DNAH14: variants seen among roughly 807,000 people sequenced by gnomAD.
DNAH14 encodes axonemal beta dynein heavy chain 14.
A neutral mutation model predicts 520.9 loss-of-function variants in DNAH14; 478 were observed. That is an observed-to-expected ratio of 0.92 (90% CI 0.85 to 0.99). DNAH14 has a LOEUF of 0.99. Among genes scored for constraint, DNAH14 ranks in the 50% least tolerant of loss-of-function variants. The pLI is 0.00. For synonymous variants in DNAH14, 1,581 were observed against 1,757.2 expected, an observed-to-expected ratio of 0.90 and a Z score of 2.51; for missense variants, 4,831 against 5,234.5, an observed-to-expected ratio of 0.92 and a Z score of 2.38.
At chr1:224,955,169 C>A in intron 3 of DNAH14, 71 bp downstream of exon 3, 1 of 1,488,024 alleles carries the variant, frequency 6.7e-7, no homozygotes, top group Non-Finnish European at 9.2e-7. Context: ...AGAAATTTTT[C>A]ATAGCATTAA....
At position 225,123,529 on chromosome 1, in the gene DNAH14, T is replaced by C. The variant is rs750911008; in HGVS notation, c.4169T>C (p.Phe1390Ser). The C allele has an allele frequency of 1.7e-5, 7 of 415,266 alleles. 1 individual carries two copies. The highest frequency in any genetic ancestry group is 1.4e-4 in the South Asian group (7 of 50,744). 25.7% of individuals were successfully genotyped at this position (415,266 alleles called of 1,614,324 possible). A position where few individuals can be genotyped will look rare whatever the true frequency, so the allele number is the denominator to read the frequency against. Residue 1390 changes from phenylalanine to serine, a missense_variant and splice_region_variant, in exon 27 of 86, where the codon TTT (phenylalanine) becomes TCT (serine). Phe to Ser is a radical substitution (Grantham distance 155). Transcript: ENST00000682510. ...EKSMFDVLKK[F>S]LSQGIEDWNC... Reference sequence around the variant, plus strand: ...TAAATAAATTTTTTAATTTGTAGATTTTTAAGTCAAGGGATTGAAGACTGG... The same window carrying C: ...TAAATAAATTTTTTAATTTGTAGATCTTTAAGTCAAGGGATTGAAGACTGG...
intron 54 of DNAH14, among the ~76,000 whole-genome samples, chr1:225,285,526 T>C (rs182459774): frequency 6.7e-4 from 97 of 144,236 alleles, no homozygotes; most frequent in African/African-American, 2.4e-3. Flanking sequence ...GCCTGGGTGA[T>C]AGAGCGAGAC....
chr1:225,259,372 A>C, intron 46 of DNAH14, 119 bp downstream of exon 46: 1 of 716,146 alleles, frequency 1.4e-6, no homozygotes, highest in Non-Finnish European at 2.1e-6. Flanking sequence ...GAATCATTCA[A>C]AAGAGGAGAT....
intron 41 of DNAH14, among the ~76,000 whole-genome samples, chr1:225,225,015 C>T (rs903699428): frequency 7.9e-5 from 12 of 152,184 alleles, no homozygotes; most frequent in African/African-American, 2.9e-4. Flanking sequence ...CTGCTTGGCC[C>T]ATTGGCTTAT....
rs1293103918 is a variant in DNAH14 at position 225,185,354 on chromosome 1, T to C, written c.5599T>C (p.Leu1867=). The C allele has an allele frequency of 6.5e-7, 1 of 1,548,172 alleles. No homozygotes were observed. The highest frequency in any genetic ancestry group is 2.0e-5 in the Admixed American group (1 of 50,392). ...GGGKTTVRRI[L]EKALTLLPIA... ...AGGAAAGACAACAGTCAGAAGAATT[T>C]TGGAAAAAGCATTAACGCTATTACC... Residue 1867 remains leucine, a synonymous_variant, in exon 37 of 86, where the codon TTG becomes CTG. Transcript: ENST00000682510.
At chr1:224,955,766 T>C (rs891144254) in intron 3 of DNAH14, among the ~76,000 whole-genome samples, 30 of 152,158 alleles carry the variant, frequency 2.0e-4, no homozygotes, top group African/African-American at 3.4e-4. Context: ...TATTCTCTTA[T>C]GTCTTTTTTT....
intron 23 of DNAH14, among the ~76,000 whole-genome samples, chr1:225,104,858 T>A (rs1323698233): frequency 4.6e-5 from 7 of 152,204 alleles, no homozygotes; most frequent in Non-Finnish European, 1.0e-4. Flanking sequence ...ATTGATTTTT[T>A]GAAGGGTTTT....
intron 27 of DNAH14, 114 bp from the exon 28 acceptor site, chr1:225,140,654 C>T (rs2079361206): frequency 1.1e-6 from 1 of 871,148 alleles, no homozygotes; most frequent in Non-Finnish European, 1.7e-6. Context: ...CAAACACTTA[C>T]ATACACACCA....
intron 11 of DNAH14, among the ~76,000 whole-genome samples, chr1:225,024,987 T>C (rs2456338): frequency 0.9 from 137,464 of 152,006 alleles, 63,710 homozygotes; most frequent in East Asian, 1. Context: ...AGTATACTAA[T>C]TTATAGCTCG....
intron 23 of DNAH14, among the ~76,000 whole-genome samples, chr1:225,111,889 G>A (rs1179395808): frequency 6.6e-6 from 1 of 152,008 alleles, no homozygotes; most frequent in Non-Finnish European, 1.5e-5. Flanking sequence ...AACACTGATT[G>A]CATAAACAAA....
At chr1:225,155,546 C>A (rs1459858474) in intron 34 of DNAH14, among the ~76,000 whole-genome samples, 1 of 152,108 alleles carries the variant, frequency 6.6e-6, no homozygotes, top group Non-Finnish European at 1.5e-5. Context: ...AAGTATAGCT[C>A]CCTGATATCC....
chr1:225,121,956 C>T (rs1474887113), intron 26 of DNAH14, among the ~76,000 whole-genome samples: 1 of 151,824 alleles, frequency 6.6e-6, no homozygotes, highest in Admixed American at 6.6e-5. Flanking sequence ...GTTGGCAGTA[C>T]TTTATCTTAC....
chr1:225,111,332 G>A (rs1246147250), intron 23 of DNAH14, among the ~76,000 whole-genome samples: 1 of 151,900 alleles, frequency 6.6e-6, no homozygotes, highest in African/African-American at 2.4e-5. Context: ...GCACCTTGCT[G>A]AATTGACCCT....
intron 22 of DNAH14, 111 bp downstream of exon 22, chr1:225,097,350 C>G (rs1172915409): frequency 9.6e-7 from 1 of 1,044,346 alleles, no homozygotes; most frequent in Non-Finnish European, 1.3e-6. Context: ...CTTATCCTAC[C>G]TACAGACATA....
At chr1:224,931,856 C>T (rs2449319) in intron 1 of DNAH14, among the ~76,000 whole-genome samples, 14,586 of 152,116 alleles carry the variant, frequency 0.096, 2,258 homozygotes, top group African/African-American at 0.33. Context: ...ATTCATCCAT[C>T]GATGGGCACT....
At chr1:225,094,587 C>T (rs1282832218) in intron 21 of DNAH14, among the ~76,000 whole-genome samples, 2 of 128,182 alleles carry the variant, frequency 1.6e-5, no homozygotes, top group Non-Finnish European at 1.7e-5. Flanking sequence ...ACAAAGTCAC[C>T]AAAAGCAATT....
At chr1:225,373,578 G>C (rs538693647) in intron 77 of DNAH14, among the ~76,000 whole-genome samples, 2 of 152,078 alleles carry the variant, frequency 1.3e-5, no homozygotes, top group Admixed American at 6.6e-5. Context: ...GCGAAGGAAG[G>C]AGAGAGAAGA....
intron 27 of DNAH14, among the ~76,000 whole-genome samples, chr1:225,126,918 C>T (rs1254333693): frequency 4.0e-5 from 6 of 149,934 alleles, no homozygotes; most frequent in South Asian, 4.3e-4. Context: ...TCTTAGTTCT[C>T]GTTGGTTTCA....
chr1:225,386,905 G>T (rs1201484348), intron 81 of DNAH14, among the ~76,000 whole-genome samples: 1 of 151,970 alleles, frequency 6.6e-6, no homozygotes, highest in Non-Finnish European at 1.5e-5. Context: ...GGATTATAAA[G>T]CATGCTGCTA....
Sources: gnomAD v4.1 joint callset for allele counts (sites outside exome capture counted in the v4.1 genomes callset) on GRCh38, gnomAD v4.1.1 for gene constraint, MANE v1.5 for transcripts, NCBI Gene and HGNC (gene_info 2026-07-23, HGNC 2026-07-21) for gene names.